DLG2: variants seen among roughly 807,000 people sequenced by gnomAD.
DLG2 encodes the protein disks large homolog 2.
A neutral mutation model predicts 132.5 loss-of-function variants in DLG2; 45 were observed. The ratio of observed to expected loss-of-function variants is 0.34; its 90% CI spans 0.27 to 0.44. The LOEUF is 0.44. Among genes scored for constraint, DLG2 ranks in the 20% least tolerant of loss-of-function variants. The pLI is 1.00. For synonymous variants in DLG2, 424 were observed against 419.6 expected (o/e 1.01, Z -0.13); for missense variants, 1,045 against 1,196.9 (o/e 0.87, Z 1.87).
intron 17 of DLG2, among the ~76,000 whole-genome samples, chr11:83,808,905 C>T (rs2046592941): frequency 6.6e-6 from 1 of 152,058 alleles, no homozygotes; most frequent in Non-Finnish European, 1.5e-5. Context: ...CCTGATCTGT[C>T]TCTCTGCATC....
chr11:83,917,791 C>T (rs2077170615), intron 15 of DLG2, among the ~76,000 whole-genome samples: 1 of 152,198 alleles, frequency 6.6e-6, no homozygotes, highest in East Asian at 1.9e-4. Flanking sequence ...TCATGTGTCA[C>T]ATGATAACAT....
intron 11 of DLG2, among the ~76,000 whole-genome samples, chr11:84,054,980 T>C (rs1362075795): frequency 6.6e-6 from 1 of 152,070 alleles, no homozygotes; most frequent in Non-Finnish European, 1.5e-5. Flanking sequence ...TTTTTTATAT[T>C]AAGATTAATA....
chr11:83,810,386 G>T (rs139858936), intron 17 of DLG2, among the ~76,000 whole-genome samples: 1 of 152,018 alleles, frequency 6.6e-6, no homozygotes, highest in Non-Finnish European at 1.5e-5. Flanking sequence ...TATATGCTGT[G>T]TATAAAAATA....
intron 3 of DLG2, among the ~76,000 whole-genome samples, chr11:85,528,234 G>C (rs2074935648): frequency 6.6e-6 from 1 of 152,128 alleles, no homozygotes; most frequent in Admixed American, 6.6e-5. Context: ...ATTGCTTTTG[G>C]TGTGTTAGTC....
chr11:84,965,021 C>A (rs1940130), intron 6 of DLG2, among the ~76,000 whole-genome samples: 68,553 of 151,730 alleles, frequency 0.45, 17,129 homozygotes, highest in African/African-American at 0.66. Context: ...GGAAACTTTG[C>A]CGTGTATATT....
chr11:84,458,225 C>G (rs2099070604), intron 7 of DLG2, among the ~76,000 whole-genome samples: 1 of 150,766 alleles, frequency 6.6e-6, no homozygotes, highest in South Asian at 2.1e-4. Flanking sequence ...ACAAACAATA[C>G]TGTGATAAAA....
At chr11:84,465,094 T>C (rs1023405087) in intron 7 of DLG2, among the ~76,000 whole-genome samples, 2 of 151,222 alleles carry the variant, frequency 1.3e-5, no homozygotes, top group African/African-American at 4.8e-5. Flanking sequence ...ATTCAAATAA[T>C]AAACCGTCAC....
chr11:83,889,765 A>G (rs1243507760), intron 15 of DLG2, among the ~76,000 whole-genome samples: 1 of 152,196 alleles, frequency 6.6e-6, no homozygotes, highest in African/African-American at 2.4e-5. Flanking sequence ...TACACCATGG[A>G]ATACTATGCA....
At chr11:83,904,936 C>T (rs928051733) in intron 15 of DLG2, among the ~76,000 whole-genome samples, 4 of 152,028 alleles carry the variant, frequency 2.6e-5, no homozygotes, top group Non-Finnish European at 4.4e-5. Flanking sequence ...ATCTTCTGTC[C>T]GTATCCAGTA....
intron 6 of DLG2, among the ~76,000 whole-genome samples, chr11:84,741,789 A>T (rs747920995): frequency 1.9e-4 from 29 of 152,198 alleles, no homozygotes; most frequent in Non-Finnish European, 2.8e-4. Context: ...AAAGGAACAC[A>T]ATAATCCTTT....
intron 7 of DLG2, among the ~76,000 whole-genome samples, chr11:84,386,029 G>A (rs1203140948): frequency 1.3e-5 from 2 of 152,030 alleles, no homozygotes; most frequent in Non-Finnish European, 1.5e-5. Flanking sequence ...ACTCAGAATA[G>A]CACGTTTCTT....
intron 12 of DLG2, among the ~76,000 whole-genome samples, chr11:83,976,423 CT>C (rs1434809608): frequency 2.0e-5 from 3 of 151,824 alleles, no homozygotes; most frequent in Admixed American, 2.0e-4. Flanking sequence ...ATCATAGAAT[CT>C]AAATCATTTG....
At position 84,683,803 on chromosome 11, in the gene DLG2, T is replaced by C. The variant is rs932864359; in HGVS notation, c.358-149072A>G. ...TGAAACAAAGTTCCACAATGTCCTA[T>C]TGCTGAATCCAGAAAAAAGGAAGAG... On this transcript the variant is annotated intron_variant, in intron 6 of 27. Transcript: ENST00000376104. 1.3e-5 allele frequency among the ~76,000 whole-genome samples: 2 copies of C among 152,170 alleles called. 1 individual carries two copies. Among genetic ancestry groups the C allele is most frequent in the South Asian group, 4.1e-4 (2 of 4,832 alleles).
chr11:83,551,294 T>A (rs1593003791), intron 19 of DLG2, among the ~76,000 whole-genome samples: 1 of 152,296 alleles, frequency 6.6e-6, no homozygotes, highest in Non-Finnish European at 1.5e-5. Context: ...TGTTACTCAC[T>A]GGAATATAAA....
chr11:84,206,787 A>C (rs746914129), intron 8 of DLG2, among the ~76,000 whole-genome samples: 5 of 152,042 alleles, frequency 3.3e-5, no homozygotes, highest in African/African-American at 7.2e-5. Context: ...AATAGAAGGC[A>C]TAAAATTTGG....
intron 5 of DLG2, among the ~76,000 whole-genome samples, chr11:85,130,442 T>C (rs980983947): frequency 3.3e-5 from 5 of 152,102 alleles, no homozygotes; most frequent in African/African-American, 1.2e-4. Flanking sequence ...GGGACTTTCA[T>C]GCCAAGGAAA....
chr11:83,584,876 G>A (rs58543836), intron 19 of DLG2, among the ~76,000 whole-genome samples: 4 of 152,000 alleles, frequency 2.6e-5, no homozygotes, highest in Non-Finnish European at 4.4e-5. Flanking sequence ...AACTGTAGGT[G>A]CTGGGCACAG....
chr11:85,537,960 C>T (rs939922556), intron 3 of DLG2, among the ~76,000 whole-genome samples: 1 of 151,724 alleles, frequency 6.6e-6, no homozygotes, highest in East Asian at 1.9e-4. Context: ...ACTAAAAATA[C>T]AAAATATTAG....
chr11:84,960,240 T>G (rs2052350812), intron 6 of DLG2, among the ~76,000 whole-genome samples: 1 of 152,102 alleles, frequency 6.6e-6, no homozygotes, highest in Non-Finnish European at 1.5e-5. Flanking sequence ...TGAAAAGTCT[T>G]CCCCTTGGGT....
Sources: allele counts gnomAD v4.1 joint callset (sites outside exome capture counted in the v4.1 genomes callset), GRCh38; gene constraint gnomAD v4.1.1; transcripts MANE v1.5; gene names NCBI Gene and HGNC (gene_info 2026-07-23, HGNC 2026-07-21).